RIPOR2: variants seen among roughly 807,000 people sequenced by gnomAD.
The protein encoded by RIPOR2 is rho family-interacting cell polarization regulator 2.
Under a neutral mutation model 114.5 loss-of-function variants are expected in RIPOR2, and 39 were observed. The observed-to-expected ratio is 0.34, with a 90% CI of 0.26 to 0.44. RIPOR2 has a LOEUF of 0.44. RIPOR2 is among the 20% of genes least tolerant of loss of function. The pLI is 1.00. For synonymous variants in RIPOR2, 445 were observed against 484.4 expected (o/e 0.92, Z 1.07); for missense variants, 1,007 against 1,255.1 (o/e 0.80, Z 2.99).
At chr6:25,016,707 T>G (rs1271073405) in intron 1 of RIPOR2, among the ~76,000 whole-genome samples, 2 of 152,240 alleles carry the variant, frequency 1.3e-5, no homozygotes, top group Admixed American at 1.3e-4. Flanking sequence ...ACTTCTTCCC[T>G]TGCTATAATT....
intron 1 of RIPOR2, among the ~76,000 whole-genome samples, chr6:25,035,108 T>C (rs991103558): frequency 2.0e-5 from 3 of 152,168 alleles, no homozygotes; most frequent in Non-Finnish European, 4.4e-5. Flanking sequence ...AAGCATTCTC[T>C]GTAATTGGCA....
chr6:25,029,259 G>T (rs1250742398), intron 1 of RIPOR2, among the ~76,000 whole-genome samples: 1 of 151,412 alleles, frequency 6.6e-6, no homozygotes, highest in Non-Finnish European at 1.5e-5. Context: ...CTGCACTCCA[G>T]CCTGGCGACA....
chr6:24,945,158 G>A (rs1439154824), intron 1 of RIPOR2, among the ~76,000 whole-genome samples: 1 of 151,456 alleles, frequency 6.6e-6, no homozygotes, highest in Non-Finnish European at 1.5e-5. Context: ...TTAAAAAAAA[G>A]AAATAAACCA....
intron 1 of RIPOR2, among the ~76,000 whole-genome samples, chr6:24,998,899 G>A (rs1775168079): frequency 6.6e-6 from 1 of 151,458 alleles, no homozygotes; most frequent in Admixed American, 6.6e-5. Context: ...TTATTGTAGA[G>A]CTTGTATTGA....
chr6:24,840,763 G>C (rs756567172), intron 13 of RIPOR2: 2 of 1,535,484 alleles, frequency 1.3e-6, no homozygotes, highest in Non-Finnish European at 1.7e-6. Context: ...TGATCGTCAA[G>C]GTGTTTAGCA....
upstream of RIPOR2, among the ~76,000 whole-genome samples, chr6:24,940,146 G>T (rs554500697): frequency 1.3e-3 from 191 of 152,134 alleles, 1 homozygote; most frequent in Non-Finnish European, 2.4e-3. Flanking sequence ...ATTATTTTGA[G>T]TTATGAGAAT....
At chr6:25,007,785 G>A (rs528733885) in intron 1 of RIPOR2, among the ~76,000 whole-genome samples, 65 of 151,370 alleles carry the variant, frequency 4.3e-4, no homozygotes, top group African/African-American at 1.5e-3. Context: ...TTTCTCCCCG[G>A]CCCCAGAGCT....
At chr6:24,966,404 G>A (rs959775211) in intron 1 of RIPOR2, among the ~76,000 whole-genome samples, 3 of 152,200 alleles carry the variant, frequency 2.0e-5, no homozygotes, top group South Asian at 2.1e-4. Context: ...ATGATATTAA[G>A]TTTACAAAAT....
intron 12 of RIPOR2, chr6:24,847,437 T>TTG: frequency 8.3e-7 from 1 of 1,201,394 alleles, no homozygotes; most frequent in Non-Finnish European, 1.2e-6. Flanking sequence ...GCTGTAACCA[T>TTG]ACCCAGTGAG....
intron 1 of RIPOR2, among the ~76,000 whole-genome samples, chr6:25,032,172 C>T (rs1175393434): frequency 5.3e-5 from 8 of 150,660 alleles, no homozygotes. Context: ...TATCAGCAAG[C>T]GAATCCTTTA....
At chr6:24,868,673 G>A (rs1192142998) in intron 6 of RIPOR2, among the ~76,000 whole-genome samples, 2 of 152,162 alleles carry the variant, frequency 1.3e-5, no homozygotes, top group African/African-American at 2.4e-5. Context: ...TGAGGGAGGC[G>A]CTGAGACAGT....
intron 1 of RIPOR2, among the ~76,000 whole-genome samples, chr6:25,034,112 T>C (rs1410967670): frequency 6.6e-6 from 1 of 150,704 alleles, no homozygotes; most frequent in Non-Finnish European, 1.5e-5. Flanking sequence ...ATATATTTAG[T>C]ATATTTTACA....
At chr6:24,829,120 C>G in intron 17 of RIPOR2, among the ~76,000 whole-genome samples, 1 of 151,920 alleles carries the variant, frequency 6.6e-6, no homozygotes, top group Non-Finnish European at 1.5e-5. Context: ...TCAAGACCAG[C>G]CTGGCAACAT....
At chr6:24,880,883 C>T (rs1158113762) in intron 1 of RIPOR2, among the ~76,000 whole-genome samples, 4 of 152,088 alleles carry the variant, frequency 2.6e-5, no homozygotes, top group African/African-American at 7.2e-5. Context: ...CATATATACC[C>T]GATATATACT....
intron 7 of RIPOR2, 114 bp downstream of exon 7, chr6:24,865,187 T>C (rs919065246): frequency 1.2e-6 from 1 of 833,858 alleles, no homozygotes; most frequent in African/African-American, 1.7e-5. Context: ...AACCTATCTT[T>C]CTAGAGGGTG....
intron 10 of RIPOR2, 143 bp downstream of exon 10, chr6:24,850,454 A>G: frequency 1.2e-6 from 1 of 810,976 alleles, no homozygotes; most frequent in Non-Finnish European, 2.0e-6. Flanking sequence ...CTCTGATGAG[A>G]GGGCAGCTGT....
At chr6:24,994,539 C>T (rs114738212) in intron 1 of RIPOR2, among the ~76,000 whole-genome samples, 1 of 152,154 alleles carries the variant, frequency 6.6e-6, no homozygotes, top group Non-Finnish European at 1.5e-5. Context: ...TGCTCCCTAG[C>T]CCACTTTCGA....
chr6:24,865,510 T>G, intron 6 of RIPOR2, 60 bp from the exon 7 acceptor site: 1 of 1,372,296 alleles, frequency 7.3e-7, no homozygotes, highest in Admixed American at 2.2e-5. Flanking sequence ...AATACATAGA[T>G]CATTGTTACA....
At chr6:24,834,353 G>T (rs1760932047) in intron 15 of RIPOR2, among the ~76,000 whole-genome samples, 1 of 152,054 alleles carries the variant, frequency 6.6e-6, no homozygotes, top group African/African-American at 2.4e-5. Flanking sequence ...CCTCTGCTGG[G>T]CTCCCGAGGG....
Sources: allele counts gnomAD v4.1 joint callset (sites outside exome capture counted in the v4.1 genomes callset), GRCh38; gene constraint gnomAD v4.1.1; transcripts MANE v1.5; gene names NCBI Gene and HGNC (gene_info 2026-07-23, HGNC 2026-07-21).